The following VRK2 variants were observed in gnomAD, a reference collection of about 807,000 sequenced individuals.
VRK2 encodes serine/threonine-protein kinase VRK2.
In VRK2, 60 loss-of-function variants were observed where a neutral mutation model predicts 57.6. The observed-to-expected ratio is 1.04, with a 90% CI of 0.85 to 1.29. The LOEUF is 1.29. VRK2 is among the 50% of genes most tolerant of loss of function. The probability of loss-of-function intolerance (pLI) is 0.00; values close to 1 mark genes in which losing one functional copy is unlikely to be tolerated. For missense variants in VRK2, 705 were observed against 588.1 expected, an observed-to-expected ratio of 1.20 and a Z score of -2.06; for synonymous variants, 231 against 199.2, an observed-to-expected ratio of 1.16 and a Z score of -1.35.
chr2:58,006,831 G>A (rs762493562), intron 1 of VRK2, among the ~76,000 whole-genome samples: 4 of 151,936 alleles, frequency 2.6e-5, no homozygotes, highest in Non-Finnish European at 5.9e-5. Context: ...TGACCTTTAC[G>A]GACAGAAAAG....
intron 1 of VRK2, among the ~76,000 whole-genome samples, chr2:57,921,214 C>T (rs2465805): frequency 0.36 from 55,121 of 151,612 alleles, 10,057 homozygotes; most frequent in Middle Eastern, 0.41. Context: ...TCAGTTGTAC[C>T]GTGTCAACCT....
rs763240464 is a variant in VRK2 at position 58,089,688 on chromosome 2, G to A, written c.508G>A (p.Ala170Thr). The A allele has an allele frequency of 1.2e-4, 190 of 1,608,848 alleles. No homozygotes were observed. The highest frequency in any genetic ancestry group is 1.5e-4 in the Non-Finnish European group (179 of 1,176,696). The stretch of plus-strand genomic sequence containing the variant: ...ATATGTTCATGGTGATATAAAAGCA[G>A]CAAATCTACTTTTGGGTTACAAAAA... ...NEYVHGDIKA[A>T]NLLLGYKNPD... Residue 170 changes from alanine (A) to threonine (T), a missense_variant, in exon 7 of 13, where the codon GCA becomes ACA. Ala to Thr is a moderately conservative substitution (Grantham distance 58). Coordinates refer to ENST00000340157, the MANE Select transcript of VRK2 (RefSeq NM_006296.7).
At chr2:57,977,510 G>A (rs1203269381) in intron 1 of VRK2, among the ~76,000 whole-genome samples, 1 of 151,308 alleles carries the variant, frequency 6.6e-6, no homozygotes, top group Non-Finnish European at 1.5e-5. Flanking sequence ...TTTAGATTTG[G>A]CTTGCAGGTT....
intron 1 of VRK2, among the ~76,000 whole-genome samples, chr2:58,006,682 T>C (rs1484567909): frequency 6.6e-6 from 1 of 151,866 alleles, no homozygotes; most frequent in Non-Finnish European, 1.5e-5. Context: ...CAAGGCAAGG[T>C]GGGTATGGTT....
chr2:57,957,952 G>T (rs1671637619), intron 1 of VRK2, among the ~76,000 whole-genome samples: 1 of 152,076 alleles, frequency 6.6e-6, no homozygotes, highest in African/African-American at 2.4e-5. Context: ...TTGAGGCTGT[G>T]CAGTTATTCT....
chr2:58,041,212 GAT>G (rs1245790272), intron 3 of VRK2: 1 of 254,750 alleles, frequency 3.9e-6, no homozygotes, highest in Non-Finnish European at 6.2e-6. Context: ...TTGTTTGAGA[GAT>G]AATCTGATAC....
intron 1 of VRK2, among the ~76,000 whole-genome samples, chr2:58,003,122 A>G (rs1345379787): frequency 6.6e-6 from 1 of 152,182 alleles, no homozygotes. Context: ...ACAAACATAT[A>G]CATAAACTAA....
chr2:58,008,246 C>T (rs1442080108), intron 1 of VRK2, among the ~76,000 whole-genome samples: 1 of 151,880 alleles, frequency 6.6e-6, no homozygotes, highest in African/African-American at 2.4e-5. Context: ...CTATATAGTA[C>T]ATGACGCAAA....
At chr2:58,128,033 GA>G (rs1383071531) in intron 8 of VRK2, among the ~76,000 whole-genome samples, 1 of 152,098 alleles carries the variant, frequency 6.6e-6, no homozygotes, top group Non-Finnish European at 1.5e-5. Flanking sequence ...TACCAGTTTA[GA>G]AGGACCGTTT....
At chr2:58,046,273 G>A (rs1024473270), upstream of VRK2, among the ~76,000 whole-genome samples, 1 of 152,216 alleles carries the variant, frequency 6.6e-6, no homozygotes, top group Non-Finnish European at 1.5e-5. Context: ...AAAACCTGAA[G>A]TTTGTTAATT....
chr2:58,155,994 A>G (rs1414112513), intron 12 of VRK2, among the ~76,000 whole-genome samples: 2 of 151,646 alleles, frequency 1.3e-5, no homozygotes, highest in African/African-American at 2.4e-5. Flanking sequence ...AGGCTGGGGT[A>G]ATAGGAGGTA....
chr2:58,017,865 C>A (rs564450537), intron 1 of VRK2, among the ~76,000 whole-genome samples: 2 of 152,120 alleles, frequency 1.3e-5, no homozygotes, highest in Non-Finnish European at 2.9e-5. Flanking sequence ...CAAACCAGAT[C>A]ACATGAATTT....
chr2:58,069,518 C>T (rs990226501), intron 2 of VRK2, among the ~76,000 whole-genome samples: 17 of 152,062 alleles, frequency 1.1e-4, no homozygotes, highest in Non-Finnish European at 1.9e-4. Context: ...TTTACCGTGC[C>T]TTGCCATGCA....
intron 2 of VRK2, chr2:58,033,177 C>A (rs1674168162): frequency 6.6e-6 from 1 of 152,048 alleles, no homozygotes; most frequent in Admixed American, 6.6e-5. Context: ...TAAGCACCAT[C>A]ATTTTGTTTA....
intron 1 of VRK2, among the ~76,000 whole-genome samples, chr2:57,970,290 G>T (rs1376708518): frequency 6.6e-6 from 1 of 150,612 alleles, no homozygotes; most frequent in Non-Finnish European, 1.5e-5. Context: ...CCCCAAGTCA[G>T]AATTTTCTGA....
intron 12 of VRK2, among the ~76,000 whole-genome samples, chr2:58,157,880 C>G (rs889537355): frequency 2.0e-5 from 3 of 152,178 alleles, no homozygotes; most frequent in African/African-American, 7.2e-5. Context: ...TGATGTGGCT[C>G]TGTTCCAATA....
chr2:58,004,802 GT>G (rs1673194503), intron 1 of VRK2, among the ~76,000 whole-genome samples: 6 of 152,030 alleles, frequency 3.9e-5, no homozygotes, highest in Admixed American at 3.9e-4. Context: ...TAAATGTATT[GT>G]TTAGTGAAAT....
intron 2 of VRK2, among the ~76,000 whole-genome samples, chr2:58,055,215 C>A (rs992308977): frequency 6.6e-6 from 1 of 152,178 alleles, no homozygotes; most frequent in African/African-American, 2.4e-5. Flanking sequence ...TTGAAACTGG[C>A]ATCACACCTT....
chr2:58,053,873 A>T (rs1251127377), intron 2 of VRK2, among the ~76,000 whole-genome samples: 5 of 152,162 alleles, frequency 3.3e-5, no homozygotes, highest in African/African-American at 9.7e-5. Context: ...AGAATTGAAT[A>T]AATGTGAAAA....
Sources: gnomAD v4.1 joint callset for allele counts (sites outside exome capture counted in the v4.1 genomes callset) on GRCh38, gnomAD v4.1.1 for gene constraint, MANE v1.5 for transcripts, NCBI Gene and HGNC (gene_info 2026-07-23, HGNC 2026-07-21) for gene names.